The following ETFBKMT variants were observed in gnomAD, a reference collection of about 807,000 sequenced individuals.
ETFBKMT encodes the protein electron transfer flavoprotein beta subunit lysine methyltransferase.
A neutral mutation model predicts 18.3 loss-of-function variants in ETFBKMT; 13 were observed. The observed-to-expected ratio is 0.71, with a 90% CI of 0.46 to 1.13. The LOEUF is 1.13. Among genes scored for constraint, ETFBKMT ranks in the 50% most tolerant of loss-of-function variants. ETFBKMT has a pLI of 0.00. For synonymous variants in ETFBKMT, 84 were observed against 107.9 expected (o/e 0.78, Z 1.37); for missense variants, 293 against 306.2 (o/e 0.96, Z 0.32).
rs887566317 is a variant in ETFBKMT at position 31,671,170 on chromosome 12, T to C, written c.*3180T>C. ...GTTAAATATTCAGTATTAAATTTTATTGAATTTGTCTTTAGAAAAATTTCA... is the reference window on the plus strand; with the variant it reads ...GTTAAATATTCAGTATTAAATTTTACTGAATTTGTCTTTAGAAAAATTTCA... On this transcript the variant is annotated 3_prime_UTR_variant, in exon 4 of 4. Transcript: ENST00000357721. 1 of 152,242 alleles carries C rather than the reference T, an allele frequency of 6.6e-6. No individual in the cohort carries two copies. The highest frequency in any genetic ancestry group is 1.5e-5 in the Non-Finnish European group (1 of 68,044). The allele number at this position is 152,242 out of a possible 1,614,324, so 9.4% of individuals were successfully genotyped here.
rs149097385 is a variant in ETFBKMT, at chr12:31,667,716, A to G, written c.515A>G (p.Asn172Ser). 218 of 1,614,112 alleles carry G rather than the reference A, an allele frequency of 1.4e-4. 2 individuals are homozygous for G. In the East Asian group the frequency reaches 4.6e-3, roughly 34 times the overall value. Residue 172 changes from asparagine to serine, a missense_variant, in exon 4 of 4, where the codon AAC (asparagine) becomes AGC (serine). Physicochemically the swap from Asn to Ser is conservative, Grantham distance 46. Coordinates refer to ENST00000357721, the MANE Select transcript of ETFBKMT (RefSeq NM_001135863.2). Reference protein sequence around the residue: ...RLNPFPILIQNILNLEQDKWD... With the variant: ...RLNPFPILIQSILNLEQDKWD... ...AATCCTTTTCCTATTTTAATCCAAA[A>G]CATTTTGAATTTGGAACAAGATAAG...
chr12:31,652,992 T>G (rs986663809), intron 1 of ETFBKMT, among the ~76,000 whole-genome samples: 44 of 152,242 alleles, frequency 2.9e-4, no homozygotes, highest in Non-Finnish European at 5.0e-4. Flanking sequence ...GCGGATTGCC[T>G]GAGCTCAGGA....
chr12:31,666,287 G>A (rs903465830), intron 3 of ETFBKMT, 70 bp downstream of exon 3: 2 of 1,467,730 alleles, frequency 1.4e-6, no homozygotes, highest in Admixed American at 2.0e-5. Flanking sequence ...ATGTACACAT[G>A]CTCAGTGTGG....
chr12:31,651,100 A>G (rs1279195672), intron 1 of ETFBKMT, among the ~76,000 whole-genome samples: 1 of 152,012 alleles, frequency 6.6e-6, no homozygotes, highest in Admixed American at 6.6e-5. Context: ...AGGCCACTTG[A>G]CCTAAGGGCA....
chr12:31,667,874 A>G lies in ETFBKMT; in HGVS notation c.673A>G (p.Ser225Gly). 2 of 1,614,226 alleles carry G rather than the reference A, an allele frequency of 1.2e-6. No homozygotes were observed. Among genetic ancestry groups the G allele is most frequent in the Non-Finnish European group, 1.7e-6 (2 of 1,180,046 alleles). The change falls in exon 4 of 4, where the codon AGT becomes GGT. Residue 225 changes from serine to glycine, a missense_variant. Ser to Gly is a moderately conservative substitution (Grantham distance 56). Coordinates refer to ENST00000357721, the MANE Select transcript of ETFBKMT (RefSeq NM_001135863.2). Reference protein sequence around the residue: ...LIGDPGRPQFSGHSIQHHLHK... With the variant: ...LIGDPGRPQFGGHSIQHHLHK... ...TGGTGACCCTGGGCGGCCCCAGTTC[A>G]GTGGACACAGCATTCAGCATCACCT... is the stretch of plus-strand genomic sequence containing the variant.
intron 1 of ETFBKMT, among the ~76,000 whole-genome samples, chr12:31,652,068 G>T (rs996275192): frequency 6.6e-6 from 1 of 152,094 alleles, no homozygotes; most frequent in Non-Finnish European, 1.5e-5. Flanking sequence ...TAAGATTAGG[G>T]TGGGGTAACC....
At chr12:31,658,485 T>C (rs574702170), upstream of ETFBKMT, among the ~76,000 whole-genome samples, 1 of 152,332 alleles carries the variant, frequency 6.6e-6, no homozygotes, top group South Asian at 2.1e-4. Flanking sequence ...AGCACAAAGT[T>C]TCCTTTCCTT....
chr12:31,661,248 C>T lies in ETFBKMT; in HGVS notation c.-113-593C>T, dbSNP rs117029010. On this transcript the variant is annotated intron_variant, in intron 1 of 3. Coordinates refer to ENST00000357721, the MANE Select transcript of ETFBKMT (RefSeq NM_001135863.2). ...TACCGGAACCAATCACTTGAGGATA[C>T]TGAAGGATGACTGTATGGCTGATTT... 3.3e-3 allele frequency among the ~76,000 whole-genome samples: 510 copies of T among 152,264 alleles called. 4 individuals carry two copies. Among genetic ancestry groups the T allele is most frequent in the Non-Finnish European group, 3.4e-3 (228 of 68,028 alleles).
At chr12:31,648,692 G>A (rs571613367) in intron 1 of ETFBKMT, among the ~76,000 whole-genome samples, 1 of 151,590 alleles carries the variant, frequency 6.6e-6, no homozygotes, top group South Asian at 2.1e-4. Flanking sequence ...CTCCCAGGTA[G>A]CTGGGGCTAC....
At chr12:31,655,502 C>T (rs1040964398), upstream of ETFBKMT, among the ~76,000 whole-genome samples, 1 of 152,200 alleles carries the variant, frequency 6.6e-6, no homozygotes, top group Non-Finnish European at 1.5e-5. Context: ...TGGTAAATTT[C>T]ACACCGACTG....
intron 1 of ETFBKMT, among the ~76,000 whole-genome samples, chr12:31,661,521 G>A (rs924292886): frequency 1.6e-4 from 24 of 151,686 alleles, no homozygotes; most frequent in Non-Finnish European, 4.4e-5. Flanking sequence ...TGTTGCCCAG[G>A]CTGGAATGCA....
rs535205885 is a variant in ETFBKMT, at chr12:31,672,240, A to AGAT, written c.*4252_*4254dup. ...CATTAAGTAGAATGCAAATCTCTAT[A>AGAT]GATGGTTTCCTGGGAAAGTAGTTTT... On this transcript the variant is annotated 3_prime_UTR_variant, in exon 4 of 4. Coordinates refer to ENST00000357721, the MANE Select transcript of ETFBKMT (RefSeq NM_001135863.2). 9.1e-5 allele frequency: 100 copies of AGAT among 1,100,800 alleles called. No homozygotes were observed. The African/African-American group carries it at 1.4e-3, about 16-fold the overall frequency. The allele number at this position is 1,100,800 out of a possible 1,614,324, so 68.2% of individuals were successfully genotyped here. A position where few individuals can be genotyped will look rare whatever the true frequency, so the allele number is the denominator to read the frequency against.
Position 31,667,820 on chromosome 12 carries a change from T to A in ETFBKMT, c.619T>A (p.Phe207Ile), listed in dbSNP as rs750329151. 1 of 1,614,216 alleles carries A rather than the reference T, an allele frequency of 6.2e-7. No homozygotes were observed. Among genetic ancestry groups the A allele is most frequent in the South Asian group, 1.1e-5 (1 of 91,086 alleles). ...TCTTCATCAGTGGCTGAAGAAGTGC[T>A]TCTGGACCTATAGAACTCGAGTACT... ...DSLHQWLKKC[F>I]WTYRTRVLIG... Residue 207 changes from phenylalanine (F) to isoleucine (I), a missense_variant, in exon 4 of 4, where the codon TTC (phenylalanine) becomes ATC (isoleucine). By Grantham distance (21) the Phe-to-Ile change is conservative. Transcript: ENST00000357721.
upstream of ETFBKMT, among the ~76,000 whole-genome samples, chr12:31,657,966 C>T (rs1951076502): frequency 6.6e-6 from 1 of 152,032 alleles, no homozygotes; most frequent in Admixed American, 6.5e-5. Context: ...TGTTGCAGTC[C>T]CTTCAGCCAA....
intron 1 of ETFBKMT, among the ~76,000 whole-genome samples, chr12:31,650,473 TA>T (rs1000228265): frequency 6.6e-6 from 1 of 152,200 alleles, no homozygotes; most frequent in African/African-American, 2.4e-5. Context: ...GCCATTCTTT[TA>T]TTTCTTTACT....
intron 2 of ETFBKMT, among the ~76,000 whole-genome samples, chr12:31,665,184 G>C (rs983449221): frequency 1.5e-4 from 23 of 150,908 alleles, no homozygotes; most frequent in African/African-American, 5.6e-4. Context: ...TGATCCACCT[G>C]CTCAGCCTCC....
rs1951270452 is a variant in ETFBKMT, at chr12:31,671,503, A to G, written c.*3513A>G. On this transcript the variant is annotated 3_prime_UTR_variant, in exon 4 of 4. Transcript: ENST00000357721. Reference sequence around the variant, plus strand: ...TGTCAGGTAATTTTGTGATTACCAAAAAGTTTTCACTTGAAAACTAAGACC... The same window carrying G: ...TGTCAGGTAATTTTGTGATTACCAAGAAGTTTTCACTTGAAAACTAAGACC... 6.6e-6 allele frequency: 1 copy of G among 152,228 alleles called. No homozygotes were observed. Among genetic ancestry groups the G allele is most frequent in the South Asian group, 2.1e-4 (1 of 4,836 alleles). The allele number at this position is 152,228 out of a possible 1,614,324, so 9.4% of individuals were successfully genotyped here.
At chr12:31,651,792 GA>G (rs974704097) in intron 1 of ETFBKMT, among the ~76,000 whole-genome samples, 2 of 152,222 alleles carry the variant, frequency 1.3e-5, no homozygotes, top group Non-Finnish European at 2.9e-5. Context: ...CACTTAGGCA[GA>G]TAGTAGGAGT....
upstream of ETFBKMT, among the ~76,000 whole-genome samples, chr12:31,658,955 G>C (rs773213023): frequency 1.0e-4 from 15 of 145,864 alleles, no homozygotes; most frequent in Non-Finnish European, 2.1e-4. Flanking sequence ...TAAATATACG[G>C]TGTCTATTTT....
Sources: gnomAD v4.1 joint callset for allele counts (sites outside exome capture counted in the v4.1 genomes callset) on GRCh38, gnomAD v4.1.1 for gene constraint, MANE v1.5 for transcripts, NCBI Gene and HGNC (gene_info 2026-07-23, HGNC 2026-07-21) for gene names.